The following IMPA2 variants were observed in gnomAD, a reference collection of about 807,000 sequenced individuals.
IMPA2 encodes inositol monophosphatase 2.
IMPA2 carries 32 observed loss-of-function variants against 35.1 expected under a neutral mutation model. The ratio of observed to expected loss-of-function variants is 0.91; its 90% confidence interval spans 0.69 to 1.23. The LOEUF (loss-of-function observed/expected upper bound fraction) is 1.23, where lower values mean the gene tolerates loss of function less well. IMPA2 is among the 50% of genes most tolerant of loss of function. IMPA2 has a pLI of 0.00. For synonymous variants in IMPA2, 135 were observed against 160.6 expected (o/e 0.84, Z 1.20); for missense variants, 334 against 387.6 (o/e 0.86, Z 1.16).
At chr18:12,025,735 A>G (rs970430675) in intron 5 of IMPA2, among the ~76,000 whole-genome samples, 1 of 151,864 alleles carries the variant, frequency 6.6e-6, no homozygotes, top group African/African-American at 2.4e-5. Context: ...ACGTGCTGCC[A>G]TACCCGGCTA....
At chr18:11,983,247 C>G (rs144490243) in intron 1 of IMPA2, among the ~76,000 whole-genome samples, 1 of 152,204 alleles carries the variant, frequency 6.6e-6, no homozygotes, top group South Asian at 2.1e-4. Context: ...AAGCGTTCTT[C>G]CTGGAAAGCA....
chr18:11,995,715 G>A (rs770977427), intron 1 of IMPA2, among the ~76,000 whole-genome samples: 53 of 152,120 alleles, frequency 3.5e-4, no homozygotes, highest in Non-Finnish European at 3.8e-4. Flanking sequence ...CAGGAGGTGG[G>A]ACTTGTGGAT....
intron 5 of IMPA2, among the ~76,000 whole-genome samples, chr18:12,027,317 C>T (rs978975818): frequency 1.3e-5 from 2 of 152,182 alleles, no homozygotes; most frequent in Non-Finnish European, 2.9e-5. Context: ...CCCTGGCAGC[C>T]TCGCCTGCTG....
rs1907392164 is a variant in IMPA2 at position 12,010,061 on chromosome 18, G to A, written c.335+74G>A. 8.4e-7 allele frequency: 1 copy of A among 1,185,616 alleles called. No individual in the cohort carries two copies. The highest frequency in any genetic ancestry group is 1.2e-6 in the Non-Finnish European group (1 of 801,728). The allele number at this position is 1,185,616 out of a possible 1,614,324, so 73.4% of individuals were successfully genotyped here. ...TCTGTGAGGTTTTGTCTTTTCAAAAGCAGCATTTTTTAAGGCAGGAATATA... is the reference window on the plus strand; with the variant it reads ...TCTGTGAGGTTTTGTCTTTTCAAAAACAGCATTTTTTAAGGCAGGAATATA... On this transcript the variant is annotated intron_variant, in intron 3 of 7. Transcript: ENST00000269159. The surrounding 1 kb of genome is among the most constrained non-coding windows in gnomAD (Gnocchi z 4.8).
At chr18:12,024,835 C>T (rs1439837214) in intron 5 of IMPA2, among the ~76,000 whole-genome samples, 1 of 151,762 alleles carries the variant, frequency 6.6e-6, no homozygotes, top group Non-Finnish European at 1.5e-5. Context: ...AGTTCCTATA[C>T]ACCTCCTGTC....
chr18:12,011,315 C>T (rs1288928402), intron 3 of IMPA2, among the ~76,000 whole-genome samples: 1 of 152,184 alleles, frequency 6.6e-6, no homozygotes, highest in African/African-American at 2.4e-5. Context: ...TGAAGACATC[C>T]GAAAGCCACC....
At chr18:11,986,809 T>C (rs1371581180) in intron 1 of IMPA2, among the ~76,000 whole-genome samples, 1 of 152,194 alleles carries the variant, frequency 6.6e-6, no homozygotes, top group Non-Finnish European at 1.5e-5. Context: ...AGTTGTTCAT[T>C]GTTGACAGAA....
At chr18:12,008,354 C>T (rs1229500224) in intron 2 of IMPA2, 1 of 518,998 alleles carries the variant, frequency 1.9e-6, no homozygotes, top group African/African-American at 1.9e-5. Flanking sequence ...CTCTAGTACA[C>T]ATGTGAACCC....
intron 5 of IMPA2, among the ~76,000 whole-genome samples, chr18:12,020,179 TATTGATTG>T (rs200100858): frequency 1.3e-4 from 19 of 151,234 alleles, no homozygotes; most frequent in Middle Eastern, 3.4e-3. Context: ...GGCCTTTATT[TATTGATTG>T]ATTGATTGAT....
rs113231342 is a variant in IMPA2, at chr18:12,012,488, A to G, written c.381+273A>G. On this transcript the variant is annotated intron_variant, in intron 4 of 7. Transcript: ENST00000269159. The stretch of plus-strand genomic sequence containing the variant: ...GGTCTATTTGTGACACTGCTGTGGA[A>G]GCGGAAGTCTTAAGTGAACGGTCCA... 3,424 of 492,422 alleles carry G rather than the reference A, an allele frequency of 7.0e-3. 21 individuals are homozygous for G. Among genetic ancestry groups the G allele is most frequent in the Middle Eastern group, 0.013 (25 of 1,990 alleles). 30.5% of individuals were successfully genotyped at this position (492,422 alleles called of 1,614,324 possible). A position where few individuals can be genotyped will look rare whatever the true frequency, so the allele number is the denominator to read the frequency against.
At chr18:11,990,543 C>T (rs1363362077) in intron 1 of IMPA2, among the ~76,000 whole-genome samples, 2 of 151,896 alleles carry the variant, frequency 1.3e-5, no homozygotes, top group East Asian at 1.9e-4. Context: ...TTGGGGGCCC[C>T]GTGTGGAGGG....
intron 1 of IMPA2, among the ~76,000 whole-genome samples, chr18:11,997,009 CACACACAGAGAT>C (rs1446920744): frequency 2.0e-5 from 3 of 152,162 alleles, no homozygotes; most frequent in Non-Finnish European, 2.9e-5. Flanking sequence ...AACACACACA[CACACACAGAGAT>C]ACACACAGAG....
intron 2 of IMPA2, among the ~76,000 whole-genome samples, chr18:11,999,795 G>A (rs911017225): frequency 6.6e-6 from 1 of 152,234 alleles, no homozygotes; most frequent in African/African-American, 2.4e-5. Flanking sequence ...AGTATTTGAT[G>A]CTAGCTATTA....
In IMPA2 at chr18:11,981,535, C is replaced by A; in HGVS notation, c.-135C>A. ...CCTTCCCGCCAGCGCAGGTGTGGGACGGGCGGCGGACTAGGCACAGAGCTG... is the reference window on the plus strand; with the variant it reads ...CCTTCCCGCCAGCGCAGGTGTGGGAAGGGCGGCGGACTAGGCACAGAGCTG... On this transcript the variant is annotated 5_prime_UTR_variant, in exon 1 of 8. Transcript: ENST00000269159. The A allele has an allele frequency of 1.9e-6, 1 of 522,668 alleles. No homozygotes were observed. The highest frequency in any genetic ancestry group is 2.9e-6 in the Non-Finnish European group (1 of 342,752). The allele number at this position is 522,668 out of a possible 1,614,324, so 32.4% of individuals were successfully genotyped here. A position where few individuals can be genotyped will look rare whatever the true frequency, so the allele number is the denominator to read the frequency against.
At chr18:11,990,789 G>A (rs904565194) in intron 1 of IMPA2, among the ~76,000 whole-genome samples, 1 of 152,234 alleles carries the variant, frequency 6.6e-6, no homozygotes, top group African/African-American at 2.4e-5. Context: ...TCTGTTTAGC[G>A]ATGGTGGACT....
intron 6 of IMPA2, chr18:12,028,518 CTGTGAGCCCTAGCCA>C: frequency 2.2e-6 from 1 of 445,888 alleles, no homozygotes; most frequent in Non-Finnish European, 4.0e-6. Context: ...TAGGGCTGTG[CTGTGAGCCCTAGCCA>C]TGTGAGACCA....
intron 2 of IMPA2, among the ~76,000 whole-genome samples, chr18:12,007,627 T>TCTTCTTTC (rs2039694300): frequency 1.0e-5 from 1 of 96,854 alleles, no homozygotes; most frequent in East Asian, 3.3e-4. Flanking sequence ...TCTTTTTCTT[T>TCTTCTTTC]CTTCTTTCTT....
intron 2 of IMPA2, among the ~76,000 whole-genome samples, chr18:12,001,394 G>A (rs1019829023): frequency 2.0e-5 from 3 of 152,048 alleles, no homozygotes; most frequent in South Asian, 4.1e-4. Flanking sequence ...CCGTGTGGCC[G>A]TGGCATGGGA....
chr18:11,984,189 G>T (rs1291786864), intron 1 of IMPA2, among the ~76,000 whole-genome samples: 1 of 152,098 alleles, frequency 6.6e-6, no homozygotes, highest in African/African-American at 2.4e-5. Flanking sequence ...TTTCCCCTCT[G>T]CCCCAGTTCT....
Sources: allele counts gnomAD v4.1 joint callset (sites outside exome capture counted in the v4.1 genomes callset), GRCh38; gene constraint gnomAD v4.1.1; non-coding constraint Gnocchi (gnomAD v3.1); transcripts MANE v1.5; gene names NCBI Gene and HGNC (gene_info 2026-07-23, HGNC 2026-07-21).